LOC728392: variants seen among roughly 807,000 people sequenced by gnomAD.
At chr17:5,500,100 C>A in the LOC728392 span, 1 of 986,352 alleles carries the variant, frequency 1.0e-6, no homozygotes, top group Non-Finnish European at 1.2e-6. The surrounding 1 kb of genome is among the most constrained non-coding windows in gnomAD (Gnocchi z 5.4). Context: ...CTCTGGGGCA[C>A]AGCTGGCTCC....
the LOC728392 span, chr17:5,499,793 A>G: frequency 1.0e-6 from 1 of 985,766 alleles, no homozygotes; most frequent in African/African-American, 1.7e-5. Flanking sequence ...GGGCCCCCAG[A>G]GTCTCATCCT....
the LOC728392 span, chr17:5,500,740 G>A: frequency 1.6e-6 from 2 of 1,237,936 alleles, no homozygotes; most frequent in African/African-American, 1.6e-5. The surrounding 1 kb of genome is among the most constrained non-coding windows in gnomAD (Gnocchi z 5.4). Flanking sequence ...TTGGGCGGGG[G>A]GCGCGATGCG....
the LOC728392 span, chr17:5,500,850 GCGGGAGGGTCTTC>G: frequency 8.1e-7 from 1 of 1,229,926 alleles, no homozygotes; most frequent in Non-Finnish European, 1.1e-6. The surrounding 1 kb of genome is among the most constrained non-coding windows in gnomAD (Gnocchi z 5.4). Flanking sequence ...CCCGCGGGCA[GCGGGAGGGTCTTC>G]CGGGGGAGGC....
At chr17:5,500,745 G>T in the LOC728392 span, 4 of 1,236,192 alleles carry the variant, frequency 3.2e-6, no homozygotes, top group Non-Finnish European at 4.2e-6. This position sits in a 1 kb window ranked among gnomAD's most constrained non-coding sequence, Gnocchi z 5.4. Flanking sequence ...CGGGGGGCGC[G>T]ATGCGGCCTT....
the LOC728392 span, chr17:5,500,768 G>T: frequency 8.3e-7 from 1 of 1,203,748 alleles, no homozygotes. The surrounding 1 kb of genome is among the most constrained non-coding windows in gnomAD (Gnocchi z 5.4). Context: ...GGGGCTGCCC[G>T]GCGCGGCCCC....
At chr17:5,499,774 C>T in the LOC728392 span, 7 of 985,910 alleles carry the variant, frequency 7.1e-6, no homozygotes, top group Non-Finnish European at 8.4e-6. Flanking sequence ...CTCCCGTGGA[C>T]CCCGGCTAGG....
the LOC728392 span, chr17:5,500,761 G>T: frequency 3.3e-6 from 4 of 1,210,836 alleles, no homozygotes; most frequent in East Asian, 9.8e-5. The surrounding 1 kb of genome is among the most constrained non-coding windows in gnomAD (Gnocchi z 5.4). Context: ...GCCTTCGGGG[G>T]CTGCCCGGCG....
At chr17:5,500,656 C>G in the LOC728392 span, 1 of 1,274,526 alleles carries the variant, frequency 7.8e-7, no homozygotes, top group Non-Finnish European at 1.0e-6. The surrounding 1 kb of genome is among the most constrained non-coding windows in gnomAD (Gnocchi z 5.4). Flanking sequence ...AAGGCGATGG[C>G]TGCGTAGATG....
chr17:5,500,447 CAA>C, the LOC728392 span: 1 of 1,145,156 alleles, frequency 8.7e-7, no homozygotes, highest in African/African-American at 1.7e-5. This position sits in a 1 kb window ranked among gnomAD's most constrained non-coding sequence, Gnocchi z 5.4. Flanking sequence ...TACTGATAGA[CAA>C]AGATAGTGAC....
chr17:5,500,470 G>A, the LOC728392 span: 1 of 1,149,300 alleles, frequency 8.7e-7, no homozygotes, highest in Non-Finnish European at 1.1e-6. The surrounding 1 kb of genome is among the most constrained non-coding windows in gnomAD (Gnocchi z 5.4). Context: ...AACAAAGACG[G>A]AAAGAAACAA....
At chr17:5,500,846 G>C in the LOC728392 span, 7 of 1,216,678 alleles carry the variant, frequency 5.8e-6, no homozygotes, top group Non-Finnish European at 7.4e-6. The surrounding 1 kb of genome is among the most constrained non-coding windows in gnomAD (Gnocchi z 5.4). Context: ...TGGGCCCGCG[G>C]GCAGCGGGAG....
At chr17:5,500,708 G>A in the LOC728392 span, 1 of 1,254,332 alleles carries the variant, frequency 8.0e-7, no homozygotes, top group Non-Finnish European at 1.0e-6. This position sits in a 1 kb window ranked among gnomAD's most constrained non-coding sequence, Gnocchi z 5.4. Context: ...AGCAGCCCTC[G>A]TCCAGTGGAG....
At chr17:5,500,896 C>T in the LOC728392 span, 2 of 1,259,684 alleles carry the variant, frequency 1.6e-6, no homozygotes, top group South Asian at 1.3e-5. The surrounding 1 kb of genome is among the most constrained non-coding windows in gnomAD (Gnocchi z 5.4). Context: ...CCTTCGGACT[C>T]GGGGTCCGGG....
chr17:5,500,026 C>T, the LOC728392 span: 3 of 986,052 alleles, frequency 3.0e-6, no homozygotes, highest in African/African-American at 3.5e-5. The surrounding 1 kb of genome is among the most constrained non-coding windows in gnomAD (Gnocchi z 5.4). Flanking sequence ...ACGAACGCCA[C>T]TTACCGAGTC....
chr17:5,500,138 C>T, the LOC728392 span: 7 of 986,964 alleles, frequency 7.1e-6, no homozygotes, highest in Non-Finnish European at 8.4e-6. The surrounding 1 kb of genome is among the most constrained non-coding windows in gnomAD (Gnocchi z 5.4). Context: ...CATCACAGGG[C>T]TCCGGCCCAC....
the LOC728392 span, chr17:5,500,309 G>T: frequency 5.9e-6 from 6 of 1,014,748 alleles, no homozygotes; most frequent in African/African-American, 1.0e-4. The surrounding 1 kb of genome is among the most constrained non-coding windows in gnomAD (Gnocchi z 5.4). Flanking sequence ...CAGAGTGGTA[G>T]GGGTCCAGGG....
chr17:5,500,615 G>A, the LOC728392 span: 134 of 1,264,192 alleles, frequency 1.1e-4, no homozygotes, highest in Middle Eastern at 1.3e-3. This position sits in a 1 kb window ranked among gnomAD's most constrained non-coding sequence, Gnocchi z 5.4. Context: ...GCTGTAAATG[G>A]ATATAGGTAA....
At chr17:5,500,360 T>G in the LOC728392 span, 1 of 1,048,440 alleles carries the variant, frequency 9.5e-7, no homozygotes, top group Non-Finnish European at 1.2e-6. This position sits in a 1 kb window ranked among gnomAD's most constrained non-coding sequence, Gnocchi z 5.4. Context: ...ACCCCAAAAT[T>G]CTAAACGCCT....
chr17:5,500,285 G>A, the LOC728392 span: 2 of 998,800 alleles, frequency 2.0e-6, no homozygotes, highest in African/African-American at 1.7e-5. This position sits in a 1 kb window ranked among gnomAD's most constrained non-coding sequence, Gnocchi z 5.4. Flanking sequence ...ATCCCTGCGC[G>A]TGCCCCCACG....
Sources: gnomAD v4.1 joint callset for allele counts on GRCh38, gnomAD v4.1.1 for gene constraint, Gnocchi (gnomAD v3.1) non-coding constraint, MANE v1.5 for transcripts.